NTAQ1: variants seen among roughly 807,000 people sequenced by gnomAD.
NTAQ1 encodes N-terminal glutamine amidase 1.
Under a neutral mutation model 28.2 loss-of-function variants are expected in NTAQ1, and 21 were observed. The ratio of observed to expected loss-of-function variants is 0.74; its 90% CI spans 0.53 to 1.07. NTAQ1 has a LOEUF of 1.07. NTAQ1 is among the 50% of genes least tolerant of loss of function. The pLI, the probability that NTAQ1 is intolerant of heterozygous loss-of-function variation, is 0.00. For synonymous variants in NTAQ1, 105 were observed against 90.0 expected, an observed-to-expected ratio of 1.17 and a Z score of -0.94; for missense variants, 264 against 256.6, an observed-to-expected ratio of 1.03 and a Z score of -0.20.
the NTAQ1 span, among the ~76,000 whole-genome samples, chr8:123,475,598 A>C: frequency 6.6e-6 from 1 of 152,380 alleles, no homozygotes; most frequent in African/African-American, 2.4e-5. Context: ...ATAACTATTA[A>C]GGACCACAAT....
intron 3 of NTAQ1, 54 bp from the exon 4 acceptor site, chr8:123,436,399 G>A (rs1814712210): frequency 6.4e-7 from 1 of 1,571,164 alleles, no homozygotes; most frequent in Non-Finnish European, 8.7e-7. Context: ...TCTGAATACT[G>A]GGATTTCATC....
downstream of NTAQ1, among the ~76,000 whole-genome samples, chr8:123,445,165 G>A (rs1815223170): frequency 6.6e-6 from 1 of 151,844 alleles, no homozygotes; most frequent in African/African-American, 2.4e-5. Context: ...ATTTTCTGAT[G>A]TTCCCACCCA....
chr8:123,441,359 G>A lies in NTAQ1; in HGVS notation c.562G>A (p.Gly188Ser). The change falls in exon 6 of 6, where the codon GGC (glycine) becomes AGC (serine). Residue 188 changes from glycine to serine, a missense_variant. Transcript: ENST00000287387. ...CAGTATGGATCCCAAGGTAGGATGG[G>A]GCGCCGTCTACACACTATCCGAATT... ...FISMDPKVGW[G>S]AVYTLSEFTH... 6.2e-7 allele frequency: 1 copy of A among 1,612,312 alleles called. No homozygotes were observed. The highest frequency in any genetic ancestry group is 8.5e-7 in the Non-Finnish European group (1 of 1,179,118).
intron 6 of NTAQ1, among the ~76,000 whole-genome samples, chr8:123,461,062 C>T (rs1563907444): frequency 6.6e-6 from 1 of 152,198 alleles, no homozygotes; most frequent in Non-Finnish European, 1.5e-5. Context: ...ACCCTCCTTA[C>T]TATTCCTTGC....
At chr8:123,436,667 CTTTT>C (rs10590897) in intron 4 of NTAQ1, 66 bp downstream of exon 4, 3 of 1,353,212 alleles carry the variant, frequency 2.2e-6, no homozygotes, top group Non-Finnish European at 3.0e-6. Context: ...CACAGAGGTT[CTTTT>C]TTTTTTTGAC....
At position 123,422,458 on chromosome 8, in the gene NTAQ1, G is replaced by A. The variant is rs555397119; in HGVS notation, c.84-5466G>A. 1.1e-4 allele frequency among the ~76,000 whole-genome samples: 16 copies of A among 151,724 alleles called. No homozygotes were observed. In the East Asian group the frequency reaches 2.7e-3, roughly 26 times the overall value. ...GCCTGGTTAATTTTTTTTACTTTTT[G>A]TGGAGACAGGGTCTCTCTATGTTGC... On this transcript the variant is annotated intron_variant, in intron 1 of 5. Coordinates refer to ENST00000287387, the MANE Select transcript of NTAQ1 (RefSeq NM_018024.3).
chr8:123,426,924 C>T (rs1814092763), intron 1 of NTAQ1, among the ~76,000 whole-genome samples: 1 of 152,186 alleles, frequency 6.6e-6, no homozygotes, highest in African/African-American at 2.4e-5. Context: ...CACACCACTG[C>T]ACTCCATCCT....
At chr8:123,467,630 G>T (rs1815987443) in exon 7 of NTAQ1, among the ~76,000 whole-genome samples, 1 of 152,336 alleles carries the variant, frequency 6.6e-6, no homozygotes, top group African/African-American at 2.4e-5. Flanking sequence ...GTTCCAGAGG[G>T]TTCCTTGGAG....
At chr8:123,437,027 C>T (rs1814758743) in intron 4 of NTAQ1, among the ~76,000 whole-genome samples, 183 bp from the exon 5 acceptor site, 1 of 152,022 alleles carries the variant, frequency 6.6e-6, no homozygotes, top group Non-Finnish European at 1.5e-5. Flanking sequence ...CTTTCTGTTT[C>T]GGGGTTTGGT....
rs1265902132 is a variant in NTAQ1, at chr8:123,454,033, T to C, written c.372+12684T>C. On this transcript the variant is annotated intron_variant, in intron 6 of 6. Coordinates refer to the NTAQ1 transcript ENST00000650311. ...CTGTTGTAGGGCAGGAGTGGGTCAC[T>C]GAGCTTCCCCATGGTCGGGATGAAG... is the stretch of plus-strand genomic sequence containing the variant. 2.0e-5 allele frequency among the ~76,000 whole-genome samples: 3 copies of C among 152,348 alleles called. No individual in the cohort carries two copies. The East Asian group carries it at 5.8e-4, about 29-fold the overall frequency.
chr8:123,434,646 C>T (rs1814594521), intron 3 of NTAQ1, among the ~76,000 whole-genome samples: 1 of 151,968 alleles, frequency 6.6e-6, no homozygotes, highest in Non-Finnish European at 1.5e-5. Flanking sequence ...AACAACAAAC[C>T]TGTAATATGA....
intron 1 of NTAQ1, among the ~76,000 whole-genome samples, chr8:123,422,106 G>GTCCC (rs1813736281): frequency 1.4e-5 from 1 of 70,950 alleles, no homozygotes; most frequent in East Asian, 1.5e-3. Flanking sequence ...GTGAGCCACT[G>GTCCC]TGCCTATCTG....
At chr8:123,425,732 G>A (rs901972800) in intron 1 of NTAQ1, among the ~76,000 whole-genome samples, 8 of 152,004 alleles carry the variant, frequency 5.3e-5, no homozygotes, top group Non-Finnish European at 7.4e-5. Context: ...GCTTTGGGCC[G>A]GGCGTGGTGG....
rs1312224371 is a variant in NTAQ1, at chr8:123,436,373, A to G, written c.235-80A>G. ...GCTGTAGCAGTCCTATATCCTTTTT[A>G]GTGATAAGGTATGTGTCTGAATACT... On this transcript the variant is annotated intron_variant, in intron 3 of 5. Coordinates refer to ENST00000287387, the MANE Select transcript of NTAQ1 (RefSeq NM_018024.3). 2.9e-6 allele frequency: 4 copies of G among 1,402,854 alleles called. No homozygotes were observed. In the Admixed American group the frequency reaches 8.0e-5, roughly 28 times the overall value. 86.9% of individuals were successfully genotyped at this position (1,402,854 alleles called of 1,614,324 possible). A position where few individuals can be genotyped will look rare whatever the true frequency, so the allele number is the denominator to read the frequency against.
At chr8:123,455,203 A>G (rs1815612289) in intron 6 of NTAQ1, 1 of 152,224 alleles carries the variant, frequency 6.6e-6, no homozygotes, top group Admixed American at 6.5e-5. Context: ...CAGCTGAGTC[A>G]GCTCTGGTGA....
intron 6 of NTAQ1, among the ~76,000 whole-genome samples, chr8:123,457,498 T>C (rs553328680): frequency 6.6e-6 from 1 of 152,258 alleles, no homozygotes; most frequent in East Asian, 1.9e-4. Flanking sequence ...ACCTATATTA[T>C]ATATGTAATA....
At chr8:123,453,193 TGAG>T (rs1815554407) in intron 6 of NTAQ1, among the ~76,000 whole-genome samples, 1 of 152,188 alleles carries the variant, frequency 6.6e-6, no homozygotes, top group Admixed American at 6.5e-5. Flanking sequence ...GGCCAGATGC[TGAG>T]GAGATCTTGT....
At chr8:123,417,715 A>T (rs1813388894) in intron 1 of NTAQ1, among the ~76,000 whole-genome samples, 1 of 152,084 alleles carries the variant, frequency 6.6e-6, no homozygotes, top group Admixed American at 6.6e-5. Flanking sequence ...TCTGCTGGTC[A>T]CTAAACCAAT....
rs78499666 is a variant in NTAQ1 at position 123,437,859 on chromosome 8, A to G, written c.508+525A>G. Among the ~76,000 whole-genome samples the G allele has an allele frequency of 4.3e-3, 649 of 152,300 alleles. 6 individuals carry two copies. Among genetic ancestry groups the G allele is most frequent in the African/African-American group, 0.015 (618 of 41,574 alleles). ...GAACATGTGGGAGAGGAAGGGTGTT[A>G]AGGATCAGAACCAGGGCACCTGCAA... On this transcript the variant is annotated intron_variant, in intron 5 of 5. Transcript: ENST00000287387.
Sources: allele counts gnomAD v4.1 joint callset (sites outside exome capture counted in the v4.1 genomes callset), GRCh38; gene constraint gnomAD v4.1.1; transcripts MANE v1.5; gene names NCBI Gene and HGNC (gene_info 2026-07-23, HGNC 2026-07-21).